The following MAN1C1 variants were observed in gnomAD, a reference collection of about 807,000 sequenced individuals.
MAN1C1 encodes the protein mannosyl-oligosaccharide 1,2-alpha-mannosidase IC.
A neutral mutation model predicts 71.5 loss-of-function variants in MAN1C1; 49 were observed. That is an observed-to-expected ratio of 0.69 (90% CI 0.54 to 0.87). The LOEUF (loss-of-function observed/expected upper bound fraction) is 0.87, where lower values mean the gene tolerates loss of function less well. Ranked by LOEUF, MAN1C1 falls within the 40% of genes least tolerant of loss-of-function variation. MAN1C1 has a pLI of 0.00. For missense variants in MAN1C1, 743 were observed against 835.0 expected, an observed-to-expected ratio of 0.89 and a Z score of 1.36; for synonymous variants, 352 against 343.7, an observed-to-expected ratio of 1.02 and a Z score of -0.27.
chr1:25,682,026 T>C (rs2046162331), intron 1 of MAN1C1, among the ~76,000 whole-genome samples: 1 of 152,192 alleles, frequency 6.6e-6, no homozygotes, highest in African/African-American at 2.4e-5. Context: ...TCAGCCTGTC[T>C]TTCACAATAT....
Position 25,617,848 on chromosome 1 carries a change from G to C in MAN1C1, c.51G>C (p.Leu17=). Residue 17 remains leucine (L), a synonymous_variant, in exon 1 of 12, where the codon CTG becomes CTC. Transcript: ENST00000374332. This position sits in a 1 kb window ranked among gnomAD's most constrained non-coding sequence, Gnocchi z 5.1. The part of the protein sequence containing the change: ...PGFVPASPWG[L]RLPQKFLFLL... ...TCGTCCCGGCCTCCCCGTGGGGGCT[G>C]CGGCTGCCGCAGAAGTTCCTCTTCC... The C allele has an allele frequency of 6.2e-7, 1 of 1,606,132 alleles. No homozygotes were observed. Among genetic ancestry groups the C allele is most frequent in the Non-Finnish European group, 8.5e-7 (1 of 1,177,372 alleles).
Position 25,776,258 on chromosome 1 carries a change from T to C in MAN1C1, c.1258-1847T>C, listed in dbSNP as rs1186561949. 6.6e-6 allele frequency among the ~76,000 whole-genome samples: 1 copy of C among 151,788 alleles called. No homozygotes were observed. Among genetic ancestry groups the C allele is most frequent in the African/African-American group, 2.4e-5 (1 of 41,356 alleles). On this transcript the variant is annotated intron_variant, in intron 8 of 11. Transcript: ENST00000374332. The surrounding 1 kb of genome is among the most constrained non-coding windows in gnomAD (Gnocchi z 4.3). ...TTTTATTCAAAATGCTGATCACAAA[T>C]TGTACCTCTCAGCCAGTTGTGGTGG...
In MAN1C1 at chr1:25,643,403, C is replaced by T. The variant is rs530621858; in HGVS notation, c.540+25066C>T. ...CTGAGTAGCTGGGACTACAGGCACC[C>T]GCCACCACGCCTGGCTAATTTTTTT... On this transcript the variant is annotated intron_variant, in intron 1 of 11. Coordinates refer to ENST00000374332, the MANE Select transcript of MAN1C1 (RefSeq NM_020379.4). 4.6e-3 allele frequency among the ~76,000 whole-genome samples: 679 copies of T among 149,044 alleles called. 2 individuals are homozygous for T. The highest frequency in any genetic ancestry group is 0.016 in the African/African-American group (640 of 40,690).
intron 5 of MAN1C1, among the ~76,000 whole-genome samples, chr1:25,754,552 G>A (rs1275333817): frequency 1.3e-5 from 2 of 152,026 alleles, no homozygotes; most frequent in African/African-American, 4.8e-5. Context: ...GGGTGCTCTC[G>A]GGGGCCGGAG....
intron 6 of MAN1C1, chr1:25,760,310 CT>C (rs1362030747): frequency 6.6e-6 from 1 of 152,266 alleles, no homozygotes; most frequent in Non-Finnish European, 1.5e-5. Flanking sequence ...GGCCTTCCAG[CT>C]GGTCAGTGAT....
chr1:25,750,144 C>G (rs2047194585), intron 4 of MAN1C1, among the ~76,000 whole-genome samples: 1 of 152,248 alleles, frequency 6.6e-6, no homozygotes, highest in Non-Finnish European at 1.5e-5. Flanking sequence ...TCTGATACCC[C>G]TTCGCTCAAA....
At chr1:25,726,772 T>G (rs1557781333) in intron 2 of MAN1C1, among the ~76,000 whole-genome samples, 2 of 152,010 alleles carry the variant, frequency 1.3e-5, no homozygotes, top group Non-Finnish European at 2.9e-5. Flanking sequence ...TATAAAATTC[T>G]CAGCCAGGCA....
intron 2 of MAN1C1, among the ~76,000 whole-genome samples, chr1:25,689,506 T>C (rs1572151569): frequency 6.6e-6 from 1 of 152,124 alleles, no homozygotes; most frequent in African/African-American, 2.4e-5. Context: ...AAATGGGTCA[T>C]AGGACACGAA....
At chr1:25,752,533 T>C (rs2124352506) in intron 4 of MAN1C1, among the ~76,000 whole-genome samples, 1 of 152,326 alleles carries the variant, frequency 6.6e-6, no homozygotes, top group East Asian at 1.9e-4. Context: ...CACTTTCCTA[T>C]TGTTTGATAT....
chr1:25,690,453 C>T (rs760526174), intron 2 of MAN1C1, among the ~76,000 whole-genome samples: 3 of 152,134 alleles, frequency 2.0e-5, no homozygotes, highest in Non-Finnish European at 2.9e-5. Flanking sequence ...CCACCACGTC[C>T]GGCTAATTTT....
chr1:25,769,641 C>T lies in MAN1C1; in HGVS notation c.1142-2016C>T, dbSNP rs12134148. Among the ~76,000 whole-genome samples, 5,682 of 152,306 alleles carry T rather than the reference C, an allele frequency of 0.037. 145 individuals are homozygous for T. Among genetic ancestry groups the T allele is most frequent in the Non-Finnish European group, 0.058 (3,954 of 68,014 alleles). ...GCACAGCCCAAGCCTCCCATCCCGG[C>T]AGAGCCCAGGCCTCCCTTCCATTCA... On this transcript the variant is annotated intron_variant, in intron 7 of 11. Coordinates refer to ENST00000374332, the MANE Select transcript of MAN1C1 (RefSeq NM_020379.4). The surrounding 1 kb of genome is among the most constrained non-coding windows in gnomAD (Gnocchi z 4.8).
At chr1:25,748,734 C>T (rs1297373989) in intron 3 of MAN1C1, among the ~76,000 whole-genome samples, 2 of 152,194 alleles carry the variant, frequency 1.3e-5, no homozygotes, top group East Asian at 1.9e-4. Context: ...GAGCTGAGGG[C>T]CCAAGAAACT....
chr1:25,644,958 C>T (rs2045593161), intron 1 of MAN1C1: 1 of 152,192 alleles, frequency 6.6e-6, no homozygotes, highest in Non-Finnish European at 1.5e-5. Context: ...AAAGAACAAC[C>T]AGAGGTTGGG....
intron 2 of MAN1C1, among the ~76,000 whole-genome samples, chr1:25,694,430 T>G (rs1217991834): frequency 1.3e-5 from 2 of 152,136 alleles, no homozygotes; most frequent in Admixed American, 1.3e-4. Flanking sequence ...AATCCCCATT[T>G]TGAGGGATGA....
intron 2 of MAN1C1, among the ~76,000 whole-genome samples, chr1:25,720,311 A>T (rs982840884): frequency 1.3e-5 from 2 of 151,884 alleles, no homozygotes; most frequent in African/African-American, 4.8e-5. Flanking sequence ...TCCCGAGTTC[A>T]AGTGATTCTC....
chr1:25,771,349 C>T (rs995142423), intron 7 of MAN1C1, among the ~76,000 whole-genome samples: 3 of 152,042 alleles, frequency 2.0e-5, no homozygotes, highest in Non-Finnish European at 2.9e-5. Context: ...ATGCAACTCA[C>T]TTACAGTTAA....
intron 1 of MAN1C1, among the ~76,000 whole-genome samples, chr1:25,624,957 A>G (rs1572101660): frequency 7.0e-6 from 1 of 142,426 alleles, no homozygotes; most frequent in African/African-American, 2.7e-5. Flanking sequence ...TGTAGCTACT[A>G]TTTAAGTATA....
Position 25,764,562 on chromosome 1 carries a change from G to GCCAC in MAN1C1, c.1141+597_1141+600dup. 6.6e-6 allele frequency among the ~76,000 whole-genome samples: 1 copy of GCCAC among 152,012 alleles called. No homozygotes were observed. The highest frequency in any genetic ancestry group is 1.5e-5 in the Non-Finnish European group (1 of 67,992). On this transcript the variant is annotated intron_variant, in intron 7 of 11. Coordinates refer to ENST00000374332, the MANE Select transcript of MAN1C1 (RefSeq NM_020379.4). The surrounding 1 kb of genome is among the most constrained non-coding windows in gnomAD (Gnocchi z 4.4). ...CGAGTAGCTGGGACTACAAGCATGTGCCACCATGTCTGGCTACTTTTTTTG... is the reference window on the plus strand; with the variant it reads ...CGAGTAGCTGGGACTACAAGCATGTGCCACCCACCATGTCTGGCTACTTTTTTTG...
chr1:25,659,972 A>G (rs2045822973), intron 1 of MAN1C1, among the ~76,000 whole-genome samples: 1 of 152,174 alleles, frequency 6.6e-6, no homozygotes, highest in South Asian at 2.1e-4. Context: ...TGGTAGCTCT[A>G]AATCAGCCCT....
Sources: gnomAD v4.1 joint callset for allele counts (sites outside exome capture counted in the v4.1 genomes callset) on GRCh38, gnomAD v4.1.1 for gene constraint, Gnocchi (gnomAD v3.1) non-coding constraint, MANE v1.5 for transcripts, NCBI Gene and HGNC (gene_info 2026-07-23, HGNC 2026-07-21) for gene names.